ZNF385D: variants seen among roughly 807,000 people sequenced by gnomAD.
ZNF385D encodes the protein zinc finger protein 385D, also known as zinc finger protein 659.
ZNF385D carries 15 observed loss-of-function variants against 35.8 expected under a neutral mutation model. The observed-to-expected ratio is 0.42, with a 90% confidence interval of 0.28 to 0.64. The LOEUF (loss-of-function observed/expected upper bound fraction) is 0.64. Ranked by LOEUF, ZNF385D falls within the 30% of genes least tolerant of loss-of-function variation. ZNF385D has a pLI of 0.23. For synonymous variants in ZNF385D, 212 were observed against 186.8 expected (o/e 1.13, Z -1.10); for missense variants, 474 against 494.6 (o/e 0.96, Z 0.39).
chr3:22,368,742 G>A (rs970340107), intron 2 of ZNF385D, among the ~76,000 whole-genome samples: 4 of 152,034 alleles, frequency 2.6e-5, no homozygotes, highest in Admixed American at 6.6e-5. Context: ...CATCTAACCC[G>A]AATCATTTCT....
At chr3:22,076,001 A>T (rs1047793905) in intron 3 of ZNF385D, among the ~76,000 whole-genome samples, 4 of 151,858 alleles carry the variant, frequency 2.6e-5, no homozygotes, top group Admixed American at 2.6e-4. Flanking sequence ...TACAAATGCA[A>T]ACTGCAAAAT....
chr3:21,958,451 G>A (rs1702403855), intron 3 of ZNF385D, among the ~76,000 whole-genome samples: 1 of 152,190 alleles, frequency 6.6e-6, no homozygotes, highest in South Asian at 2.1e-4. Context: ...TTAGAACTAA[G>A]TGAGACATAT....
At chr3:21,667,740 A>G (rs1055655109) in intron 1 of ZNF385D, among the ~76,000 whole-genome samples, 3 of 152,232 alleles carry the variant, frequency 2.0e-5, no homozygotes, top group Non-Finnish European at 4.4e-5. Context: ...AAGTTAAGGA[A>G]TAGCTCAAGC....
At chr3:21,743,793 A>C (rs11707067) in intron 1 of ZNF385D, among the ~76,000 whole-genome samples, 11,218 of 152,316 alleles carry the variant, frequency 0.074, 530 homozygotes, top group East Asian at 0.12. Flanking sequence ...CATAACACCG[A>C]TGCATGCCTT....
At chr3:22,206,053 G>A (rs114465734) in intron 2 of ZNF385D, among the ~76,000 whole-genome samples, 1 of 151,726 alleles carries the variant, frequency 6.6e-6, no homozygotes, top group African/African-American at 2.4e-5. Context: ...TTACCTGTAA[G>A]GACACACATG....
At chr3:22,154,892 G>C (rs996554110) in intron 3 of ZNF385D, among the ~76,000 whole-genome samples, 1 of 152,096 alleles carries the variant, frequency 6.6e-6, no homozygotes, top group African/African-American at 2.4e-5. Context: ...CATCTTCCAT[G>C]ATATCAAAAG....
intron 3 of ZNF385D, among the ~76,000 whole-genome samples, chr3:22,149,943 C>G (rs1354826751): frequency 6.6e-6 from 1 of 152,126 alleles, no homozygotes; most frequent in Non-Finnish European, 1.5e-5. Flanking sequence ...AACTTACTCT[C>G]TTGACTTTAA....
chr3:21,517,195 C>A (rs181769026), intron 3 of ZNF385D, among the ~76,000 whole-genome samples: 1 of 151,834 alleles, frequency 6.6e-6, no homozygotes, highest in Admixed American at 6.6e-5. Context: ...ACTGCTGACC[C>A]CTCAAAGTTA....
intron 4 of ZNF385D, among the ~76,000 whole-genome samples, chr3:21,469,265 C>G (rs1194064079): frequency 6.6e-6 from 1 of 152,172 alleles, no homozygotes; most frequent in Admixed American, 6.6e-5. Context: ...AGGCCACAGA[C>G]TTTTGTGCCA....
chr3:21,998,721 A>C (rs1279753513), intron 3 of ZNF385D, among the ~76,000 whole-genome samples: 1 of 152,236 alleles, frequency 6.6e-6, no homozygotes, highest in Non-Finnish European at 1.5e-5. Flanking sequence ...ATGGTATTTT[A>C]ATGTAATCAG....
chr3:21,649,956 C>A (rs1575396092), intron 2 of ZNF385D, among the ~76,000 whole-genome samples: 1 of 152,054 alleles, frequency 6.6e-6, no homozygotes, highest in East Asian at 1.9e-4. Flanking sequence ...AATATCATGG[C>A]TGCAGACCAC....
intron 3 of ZNF385D, among the ~76,000 whole-genome samples, chr3:21,916,406 T>C (rs1383035441): frequency 1.3e-5 from 2 of 152,188 alleles, no homozygotes; most frequent in Non-Finnish European, 2.9e-5. Flanking sequence ...TTACTGATTC[T>C]AATGCATATT....
chr3:21,570,886 A>G (rs2063315136), intron 2 of ZNF385D, among the ~76,000 whole-genome samples: 1 of 152,160 alleles, frequency 6.6e-6, no homozygotes, highest in African/African-American at 2.4e-5. Context: ...TATTACATTG[A>G]CTTTGACTTA....
At chr3:21,421,547 C>G (rs1700739949) in intron 7 of ZNF385D, 100 bp from the exon 8 acceptor site, 12 of 735,682 alleles carry the variant, frequency 1.6e-5, no homozygotes, top group Non-Finnish European at 2.6e-5. Flanking sequence ...CAGTAAACAA[C>G]TATAAAGAAA....
At chr3:21,922,202 C>T (rs192643860) in intron 3 of ZNF385D, among the ~76,000 whole-genome samples, 3 of 152,184 alleles carry the variant, frequency 2.0e-5, no homozygotes, top group African/African-American at 7.2e-5. Flanking sequence ...TTTAAAATGG[C>T]CATACTGCCC....
intron 2 of ZNF385D, among the ~76,000 whole-genome samples, chr3:22,293,694 C>T (rs755006057): frequency 9.9e-5 from 15 of 152,100 alleles, no homozygotes; most frequent in Admixed American, 9.8e-4. Flanking sequence ...CTTACTTCCC[C>T]GTGTTGAATG....
At chr3:22,043,231 G>T (rs1698780499) in intron 3 of ZNF385D, among the ~76,000 whole-genome samples, 1 of 152,092 alleles carries the variant, frequency 6.6e-6, no homozygotes, top group South Asian at 2.1e-4. Context: ...GAGTTTTCAA[G>T]CCTTATAAAA....
chr3:21,696,688 C>A (rs1354520814), intron 1 of ZNF385D, among the ~76,000 whole-genome samples: 1 of 152,200 alleles, frequency 6.6e-6, no homozygotes. Context: ...GTCCATCAAG[C>A]TTCTACAATG....
chr3:22,182,910 A>G (rs935122723), intron 2 of ZNF385D, among the ~76,000 whole-genome samples: 2 of 152,138 alleles, frequency 1.3e-5, no homozygotes, highest in Non-Finnish European at 2.9e-5. Flanking sequence ...TTGCAAATGC[A>G]TTATATTTAG....
Sources: allele counts gnomAD v4.1 joint callset (sites outside exome capture counted in the v4.1 genomes callset), GRCh38; gene constraint gnomAD v4.1.1; transcripts MANE v1.5; gene names NCBI Gene and HGNC (gene_info 2026-07-23, HGNC 2026-07-21).